Variants in LRP1 observed in about 807,000 individuals in gnomAD.
LRP1 encodes LDL receptor related protein 1, also known as prolow-density lipoprotein receptor-related protein 1.
In LRP1, 51 loss-of-function variants were observed where a neutral mutation model predicts 541.5. The ratio of observed to expected loss-of-function variants is 0.09; its 90% CI spans 0.08 to 0.12. The LOEUF (loss-of-function observed/expected upper bound fraction) is 0.12. Ranked by LOEUF, LRP1 falls within the 10% of genes least tolerant of loss-of-function variation. The pLI, the probability that LRP1 is intolerant of heterozygous loss-of-function variation, is 1.00. For synonymous variants in LRP1, 2,219 were observed against 2,470.8 expected, an observed-to-expected ratio of 0.90 and a Z score of 3.02; for missense variants, 3,878 against 6,376.2, an observed-to-expected ratio of 0.61 and a Z score of 13.34.
intron 23 of LRP1, 48 bp downstream of exon 23, chr12:57,175,753 A>G: frequency 6.4e-7 from 1 of 1,551,158 alleles, no homozygotes; most frequent in Non-Finnish European, 8.7e-7. Flanking sequence ...CAGGCCTCTG[A>G]GCTGCAGTGG....
chr12:57,191,146 C>G (rs1406178590), intron 43 of LRP1, 137 bp downstream of exon 43: 18 of 1,120,790 alleles, frequency 1.6e-5, no homozygotes, highest in Non-Finnish European at 2.2e-5. Flanking sequence ...GCCCCAGCCT[C>G]GGTCAACCCC....
rs546087870 is a variant in LRP1 at position 57,206,069 on chromosome 12, A to C, written c.11590+392A>C. ...ATTCACACACACCCCTGGCACACAC[A>C]CCCCCACCATGCACTCCCATGCACA... is the stretch of plus-strand genomic sequence containing the variant. On this transcript the variant is annotated intron_variant, in intron 75 of 88. Transcript: ENST00000243077. The surrounding 1 kb of genome is among the most constrained non-coding windows in gnomAD (Gnocchi z 4.7). Among the ~76,000 whole-genome samples the C allele has an allele frequency of 4.0e-5, 6 of 151,066 alleles. No individual in the cohort carries two copies. The East Asian group carries it at 5.8e-4, about 15-fold the overall frequency.
rs36003223 is a variant in LRP1 at position 57,185,190 on chromosome 12, C to T, written c.6448C>T (p.Arg2150Trp). ...VQLKDIKVFN[R>W]DRQKGTNVCA... Reference sequence around the variant, plus strand: ...GCTTAAAGACATCAAAGTCTTCAACCGGGACCGGCAGAAAGGTGAGGCTGG... The same window carrying T: ...GCTTAAAGACATCAAAGTCTTCAACTGGGACCGGCAGAAAGGTGAGGCTGG... Residue 2150 changes from arginine (R) to tryptophan (W), a missense_variant, in exon 40 of 89, where the codon CGG becomes TGG. Arg to Trp is a moderately radical substitution (Grantham distance 101). Transcript: ENST00000243077. The surrounding 1 kb of genome is among the most constrained non-coding windows in gnomAD (Gnocchi z 4.9). 29 of 1,614,156 alleles carry T rather than the reference C, an allele frequency of 1.8e-5. No homozygotes were observed. Among genetic ancestry groups the T allele is most frequent in the Non-Finnish European group, 2.3e-5 (27 of 1,180,034 alleles).
Position 57,178,381 on chromosome 12 carries a change from C to T in LRP1, c.4384C>T (p.Arg1462Cys), listed in dbSNP as rs551811427. Residue 1462 changes from arginine (R) to cysteine (C), a missense_variant, in exon 27 of 89, where the codon CGT (arginine) becomes TGT (cysteine). Physicochemically the swap from Arg to Cys is radical, Grantham distance 180. Transcript: ENST00000243077. The surrounding 1 kb of genome is among the most constrained non-coding windows in gnomAD (Gnocchi z 5.8). ...DARSDAIYSA[R>C]YDGSGHMEVL... ...TAGGTCAGATGCCATTTACTCAGCC[C>T]GTTACGACGGCTCTGGCCACATGGA... 8.7e-6 allele frequency: 14 copies of T among 1,614,122 alleles called. No individual in the cohort carries two copies. Among genetic ancestry groups the T allele is most frequent in the Middle Eastern group, 1.7e-4 (1 of 6,060 alleles).
Position 57,212,651 on chromosome 12 carries a change from C to T in LRP1, c.*96C>T, listed in dbSNP as rs985888310. 42 of 1,258,022 alleles carry T rather than the reference C, an allele frequency of 3.3e-5. No homozygotes were observed. The highest frequency in any genetic ancestry group is 7.6e-5 in the Admixed American group (3 of 39,492). The allele number at this position is 1,258,022 out of a possible 1,614,324, so 77.9% of individuals were successfully genotyped here. ...TCCCCAGCCAGCCCTTCCCTGGCCC[C>T]GCCGGATGTATAAATGTAAAAATGA... On this transcript the variant is annotated 3_prime_UTR_variant, in exon 89 of 89. Coordinates refer to ENST00000243077, the MANE Select transcript of LRP1 (RefSeq NM_002332.3). This position sits in a 1 kb window ranked among gnomAD's most constrained non-coding sequence, Gnocchi z 5.0.
chr12:57,212,502 C>T lies in LRP1; in HGVS notation c.13582C>T (p.Arg4528Ter). ...RHSLASTDEK[R>*]ELLGRGPEDE... ...CTCCCTGGCCAGCACGGACGAGAAG[C>T]GAGAACTCCTGGGCCGGGGCCCTGA... Residue 4528 changes from arginine to a stop codon, truncating the protein, a stop_gained, in exon 89 of 89, where the codon CGA becomes TGA. Transcript: ENST00000243077. LOFTEE classifies it high-confidence loss of function. The surrounding 1 kb of genome is among the most constrained non-coding windows in gnomAD (Gnocchi z 5.0). 1.2e-6 allele frequency: 2 copies of T among 1,613,914 alleles called. No homozygotes were observed. The highest frequency in any genetic ancestry group is 1.7e-6 in the Non-Finnish European group (2 of 1,179,920).
rs2036077579 is a variant in LRP1 at position 57,177,748 on chromosome 12, G to A, written c.4361+157G>A. Among the ~76,000 whole-genome samples, 1 of 152,124 alleles carries A rather than the reference G, an allele frequency of 6.6e-6. No individual in the cohort carries two copies. The highest frequency in any genetic ancestry group is 6.5e-5 in the Admixed American group (1 of 15,286). On this transcript the variant is annotated intron_variant, in intron 26 of 88. Coordinates refer to ENST00000243077, the MANE Select transcript of LRP1 (RefSeq NM_002332.3). This position sits in a 1 kb window ranked among gnomAD's most constrained non-coding sequence, Gnocchi z 6.8. Reference sequence around the variant, plus strand: ...CACAGGAGGAGGAGGACGGAGGGGCGTGGGGAGGCCAGGGCCGAGGGGAGG... The same window carrying A: ...CACAGGAGGAGGAGGACGGAGGGGCATGGGGAGGCCAGGGCCGAGGGGAGG...
At chr12:57,163,721 G>A (rs1305416711) in intron 15 of LRP1, among the ~76,000 whole-genome samples, 1 of 152,068 alleles carries the variant, frequency 6.6e-6, no homozygotes, top group Non-Finnish European at 1.5e-5. Context: ...TTTTCCTCAG[G>A]GGGGTTATAA....
At position 57,193,645 on chromosome 12, in the gene LRP1, C is replaced by G. The variant is rs370289703; in HGVS notation, c.7764C>G (p.Ala2588=). ...CVSNMLWCNG[A]DDCGDGSDEI... is the part of the protein sequence containing the mutation. ...CCAACATGCTGTGGTGCAACGGGGCCGACGACTGTGGGGATGGCTCTGACG... is the reference window on the plus strand; with the variant it reads ...CCAACATGCTGTGGTGCAACGGGGCGGACGACTGTGGGGATGGCTCTGACG... Residue 2588 remains alanine, a synonymous_variant, in exon 47 of 89, where the codon GCC becomes GCG. Transcript: ENST00000243077. 2 of 1,614,058 alleles carry G rather than the reference C, an allele frequency of 1.2e-6. No individual in the cohort carries two copies. The highest frequency in any genetic ancestry group is 8.5e-7 in the Non-Finnish European group (1 of 1,180,032).
chr12:57,148,489 A>G (rs761022827), intron 6 of LRP1, among the ~76,000 whole-genome samples: 6 of 151,974 alleles, frequency 3.9e-5, no homozygotes, highest in Non-Finnish European at 7.4e-5. Context: ...AGGCCTATGG[A>G]GCCTGTAACC....
intron 8 of LRP1, among the ~76,000 whole-genome samples, 195 bp from the exon 9 acceptor site, chr12:57,155,899 C>T (rs1245213510): frequency 3.3e-5 from 5 of 152,050 alleles, no homozygotes; most frequent in African/African-American, 7.2e-5. Flanking sequence ...TGCAGTGAGC[C>T]GTGATCGTGC....
chr12:57,140,293 G>A (rs1466027913), intron 2 of LRP1, among the ~76,000 whole-genome samples: 1 of 152,030 alleles, frequency 6.6e-6, no homozygotes, highest in African/African-American at 2.4e-5. Context: ...GTTGCTGTGG[G>A]GTTGGAAGTC....
rs2036827852 is a variant in LRP1, at chr12:57,208,199, G to A, written c.12021G>A (p.Val4007=). The change falls in exon 77 of 89, where the codon GTG becomes GTA. Residue 4007 remains valine, a synonymous_variant. Coordinates refer to ENST00000243077, the MANE Select transcript of LRP1 (RefSeq NM_002332.3). ...TGATTGACGAGCCCCACGCCATTGTGGTGGACCCACTGAGGGGGTGGGCAA... is the reference window on the plus strand; with the variant it reads ...TGATTGACGAGCCCCACGCCATTGTAGTGGACCCACTGAGGGGGTGGGCAA... ...SGMIDEPHAI[V]VDPLRGTMYW... is the part of the protein sequence containing the mutation. The A allele has an allele frequency of 6.2e-7, 1 of 1,613,614 alleles. No homozygotes were observed. The highest frequency in any genetic ancestry group is 8.5e-7 in the Non-Finnish European group (1 of 1,179,840).
intron 22 of LRP1, 73 bp downstream of exon 22, chr12:57,174,053 G>A: frequency 6.8e-7 from 1 of 1,472,118 alleles, no homozygotes; most frequent in African/African-American, 1.4e-5. Flanking sequence ...AGTCTTTGGG[G>A]GACCTGAGTC....
chr12:57,152,930 A>G (rs1057444892), intron 6 of LRP1, among the ~76,000 whole-genome samples: 6 of 152,126 alleles, frequency 3.9e-5, no homozygotes, highest in African/African-American at 1.4e-4. Flanking sequence ...GTTAGGGAGC[A>G]GCCCCTGAAT....
At position 57,201,728 on chromosome 12, in the gene LRP1, G is replaced by A. The variant is rs752399631; in HGVS notation, c.10469-52G>A. The A allele has an allele frequency of 3.3e-5, 53 of 1,601,346 alleles. 1 individual carries two copies. The highest frequency in any genetic ancestry group is 1.7e-4 in the Middle Eastern group (1 of 5,996). The stretch of plus-strand genomic sequence containing the variant: ...GCTCCCTCACTCTCCCCACCCTCCC[G>A]GCACACTCCTGGAAGGAGTCTCATC... On this transcript the variant is annotated intron_variant, in intron 66 of 88. Transcript: ENST00000243077. The surrounding 1 kb of genome is among the most constrained non-coding windows in gnomAD (Gnocchi z 6.4).
Position 57,156,197 on chromosome 12 carries a change from G to A in LRP1, c.1331G>A (p.Arg444His), listed in dbSNP as rs2035615945. 1 of 1,614,000 alleles carries A rather than the reference G, an allele frequency of 6.2e-7. No homozygotes were observed. Among genetic ancestry groups the A allele is most frequent in the African/African-American group, 1.3e-5 (1 of 74,904 alleles). The change falls in exon 9 of 89, where the codon CGC becomes CAC. Residue 444 changes from arginine to histidine, a missense_variant. Around this residue, in one of 13 missense-constraint regions of LRP1, gnomAD observed 496 missense variants for 861.0 expected, o/e 0.58. Transcript: ENST00000243077. This position sits in a 1 kb window ranked among gnomAD's most constrained non-coding sequence, Gnocchi z 5.2. ...QQKTSVIRVN[R>H]FNSTEYQVVT... is the part of the protein sequence containing the mutation. ...AAGACGAGTGTGATCCGTGTGAACC[G>A]CTTTAACAGCACCGAGTACCAGGTT...
chr12:57,208,344 C>G, intron 77 of LRP1, 128 bp downstream of exon 77: 1 of 1,025,172 alleles, frequency 9.8e-7, no homozygotes, highest in Middle Eastern at 3.2e-4. Context: ...CCTTTTCAGT[C>G]CCTTGGGTCT....
rs2036089002 is a variant in LRP1 at position 57,178,224 on chromosome 12, G to A, written c.4362-135G>A. Reference sequence around the variant, plus strand: ...TCTGTCTGTCTGCTCTGGCCAGCAAGGCTTAGGGGAGGGAATGGTCCCATG... The same window carrying A: ...TCTGTCTGTCTGCTCTGGCCAGCAAAGCTTAGGGGAGGGAATGGTCCCATG... On this transcript the variant is annotated intron_variant, in intron 26 of 88. Transcript: ENST00000243077. This position sits in a 1 kb window ranked among gnomAD's most constrained non-coding sequence, Gnocchi z 5.8. 4.8e-6 allele frequency: 5 copies of A among 1,048,716 alleles called. No individual in the cohort carries two copies. The highest frequency in any genetic ancestry group is 5.2e-5 in the Admixed American group (2 of 38,776). 65.0% of individuals were successfully genotyped at this position (1,048,716 alleles called of 1,614,324 possible). A position where few individuals can be genotyped will look rare whatever the true frequency, so the allele number is the denominator to read the frequency against.
Sources: gnomAD v4.1 joint callset for allele counts (sites outside exome capture counted in the v4.1 genomes callset) on GRCh38, gnomAD v4.1.1 for gene constraint, gnomAD v4.1.1 regional missense constraint, Gnocchi (gnomAD v3.1) non-coding constraint, MANE v1.5 for transcripts, NCBI Gene and HGNC (gene_info 2026-07-23, HGNC 2026-07-21) for gene names.